WHRN: variants seen among roughly 807,000 people sequenced by gnomAD.
WHRN encodes the protein CASK-interacting protein CIP98.
A neutral mutation model predicts 68.3 loss-of-function variants in WHRN; 41 were observed. The ratio of observed to expected loss-of-function variants is 0.60; its 90% CI spans 0.47 to 0.78. The LOEUF (loss-of-function observed/expected upper bound fraction) is 0.78, where lower values mean the gene tolerates loss of function less well. Ranked by LOEUF, WHRN falls within the 30% of genes least tolerant of loss-of-function variation. The pLI is 0.00. For missense variants in WHRN, 1,243 were observed against 1,244.7 expected, an observed-to-expected ratio of 1.00 and a Z score of 0.02; for synonymous variants, 560 against 561.3, an observed-to-expected ratio of 1.00 and a Z score of 0.03.
chr9:114,405,323 G>A (rs539495235), intron 9 of WHRN, among the ~76,000 whole-genome samples: 4 of 152,102 alleles, frequency 2.6e-5, no homozygotes, highest in East Asian at 1.9e-4. Context: ...TGACCTGCCC[G>A]TCTCCGCCTC....
At chr9:114,478,834 T>A in intron 1 of WHRN, 63 bp from the exon 2 acceptor site, 2 of 1,490,060 alleles carry the variant, frequency 1.3e-6, no homozygotes, top group South Asian at 2.4e-5. Context: ...AGGAACACCC[T>A]CCCCTGGCCC....
chr9:114,458,540 A>G (rs1839990746), intron 3 of WHRN, among the ~76,000 whole-genome samples: 1 of 152,068 alleles, frequency 6.6e-6, no homozygotes, highest in Non-Finnish European at 1.5e-5. Context: ...TTGTGTTTTC[A>G]TTTTCCTTGA....
intron 2 of WHRN, among the ~76,000 whole-genome samples, chr9:114,469,115 G>C (rs534449225): frequency 1.3e-5 from 2 of 152,172 alleles, no homozygotes; most frequent in Non-Finnish European, 2.9e-5. Flanking sequence ...TGTAGAGTGC[G>C]TAGGGTCGTG....
In WHRN at chr9:114,416,308, G is replaced by A. The variant is rs148589731; in HGVS notation, c.1626+7006C>T. On this transcript the variant is annotated intron_variant, in intron 7 of 11. Transcript: ENST00000362057. ...CATTTGCTCCTTGAGTACAAGGCTG[G>A]CCTTGACCTCTCCAATCCCCTTTTC... Among the ~76,000 whole-genome samples the A allele has an allele frequency of 4.6e-5, 7 of 152,318 alleles. No individual in the cohort carries two copies. In the East Asian group the frequency reaches 1.2e-3, roughly 25 times the overall value.
At chr9:114,434,077 A>G (rs1480861646) in intron 3 of WHRN, among the ~76,000 whole-genome samples, 1 of 152,200 alleles carries the variant, frequency 6.6e-6, no homozygotes, top group Admixed American at 6.5e-5. Flanking sequence ...CCAAAGGAAA[A>G]TCTGGCTTCC....
chr9:114,469,501 G>T (rs1444144854), intron 2 of WHRN, among the ~76,000 whole-genome samples: 1 of 152,336 alleles, frequency 6.6e-6, no homozygotes, highest in South Asian at 2.1e-4. Flanking sequence ...TAGGCCAAGG[G>T]AGCACCTCAC....
At position 114,504,644 on chromosome 9, in the gene WHRN, G is replaced by C. The variant is rs2133482388; in HGVS notation, c.158C>G (p.Ala53Gly). Residue 53 changes from alanine (A) to glycine (G), a missense_variant, in exon 1 of 12, where the codon GCG becomes GGG. By Grantham distance (60) the Ala-to-Gly change is moderately conservative (BLOSUM62 0). Transcript: ENST00000362057. Reference sequence around the variant, plus strand: ...GCAGTGGGTGAACTGCTCCCGCTCCGCCTCGCTCAGCAGCGCGGTCAGCGC... The same window carrying C: ...GCAGTGGGTGAACTGCTCCCGCTCCCCCTCGCTCAGCAGCGCGGTCAGCGC... Reference protein sequence around the residue: ...HQALTALLSEAEREQFTHCLN... With the variant: ...HQALTALLSEGEREQFTHCLN... 1 of 1,606,992 alleles carries C rather than the reference G, an allele frequency of 6.2e-7. No homozygotes were observed. Among genetic ancestry groups the C allele is most frequent in the East Asian group, 2.2e-5 (1 of 44,768 alleles).
At position 114,412,791 on chromosome 9, in the gene WHRN, G is replaced by C. The variant is rs145161264; in HGVS notation, c.1627-4773C>G. On this transcript the variant is annotated intron_variant, in intron 7 of 11. Transcript: ENST00000362057. The stretch of plus-strand genomic sequence containing the variant: ...TGAAATGAAGAGGGGCAACCTTTGC[G>C]GGGTGGACTCAGGGGCAGGTAAGGC... 2.6e-5 allele frequency among the ~76,000 whole-genome samples: 4 copies of C among 152,326 alleles called. No individual in the cohort carries two copies. In the South Asian group the frequency reaches 6.2e-4, roughly 24 times the overall value.
At chr9:114,438,811 A>G (rs1394397739) in intron 3 of WHRN, among the ~76,000 whole-genome samples, 3 of 152,230 alleles carry the variant, frequency 2.0e-5, no homozygotes, top group Non-Finnish European at 4.4e-5. Flanking sequence ...GATAAAATAC[A>G]TATGCACACA....
chr9:114,422,558 G>A (rs1013790290), intron 7 of WHRN, among the ~76,000 whole-genome samples: 11 of 152,180 alleles, frequency 7.2e-5, no homozygotes, highest in African/African-American at 2.7e-4. Flanking sequence ...CTGGGGCCAC[G>A]CATGGTGATT....
intron 1 of WHRN, chr9:114,491,660 C>T (rs1460911354): frequency 8.4e-6 from 2 of 238,572 alleles, no homozygotes; most frequent in Non-Finnish European, 1.8e-5. Context: ...AGGCTTTTTG[C>T]CGCCACCCGC....
intron 1 of WHRN, among the ~76,000 whole-genome samples, chr9:114,486,230 A>G (rs1842463349): frequency 6.6e-6 from 1 of 152,260 alleles, no homozygotes; most frequent in Non-Finnish European, 1.5e-5. Context: ...TTTAAGAAAC[A>G]TCCTTCTTTA....
intron 1 of WHRN, among the ~76,000 whole-genome samples, chr9:114,482,851 C>T (rs951667426): frequency 1.3e-5 from 2 of 152,152 alleles, no homozygotes; most frequent in Non-Finnish European, 2.9e-5. Flanking sequence ...AGAGAGCCAG[C>T]GCCGGAGAGG....
At chr9:114,434,025 C>T (rs1017522833) in intron 3 of WHRN, among the ~76,000 whole-genome samples, 3 of 152,206 alleles carry the variant, frequency 2.0e-5, no homozygotes, top group Non-Finnish European at 4.4e-5. Context: ...AAAGAACTTG[C>T]CCAAGGTCGT....
At chr9:114,418,243 AGGAAG>A (rs1244455960) in intron 7 of WHRN, among the ~76,000 whole-genome samples, 2 of 152,134 alleles carry the variant, frequency 1.3e-5, no homozygotes, top group Non-Finnish European at 2.9e-5. Flanking sequence ...GTCGCTCCTG[AGGAAG>A]GGTGAGCAAA....
Position 114,407,941 on chromosome 9 carries a change from C to A in WHRN, c.1698+6G>T. 6.3e-7 allele frequency: 1 copy of A among 1,597,414 alleles called. No individual in the cohort carries two copies. On this transcript the variant is annotated splice_donor_region_variant and intron_variant, in intron 8 of 11. Coordinates refer to ENST00000362057, the MANE Select transcript of WHRN (RefSeq NM_015404.4). The stretch of plus-strand genomic sequence containing the variant: ...AGCAGAACCAAAGGGCCAGCCAGGG[C>A]CTTACCACGGACACATCTGGGAGGG...
chr9:114,432,218 A>G (rs1457779144), intron 3 of WHRN, among the ~76,000 whole-genome samples: 1 of 152,170 alleles, frequency 6.6e-6, no homozygotes, highest in African/African-American at 2.4e-5. Context: ...CACTTTGAGA[A>G]GAGCACGGCG....
intron 3 of WHRN, among the ~76,000 whole-genome samples, chr9:114,452,596 G>A (rs936384906): frequency 2.0e-5 from 3 of 152,214 alleles, no homozygotes; most frequent in African/African-American, 4.8e-5. Context: ...TGTTTGAGAA[G>A]TGTGAGTGGT....
rs577203643 is a variant in WHRN at position 114,500,338 on chromosome 9, T to C, written c.618+3846A>G. On this transcript the variant is annotated intron_variant, in intron 1 of 11. Coordinates refer to ENST00000362057, the MANE Select transcript of WHRN (RefSeq NM_015404.4). ...CAGAAGCTACATTTCAGACATAAAG[T>C]TGGAAGAGGTAATAATTTGCAATGG... 3.9e-5 allele frequency among the ~76,000 whole-genome samples: 6 copies of C among 152,192 alleles called. No individual in the cohort carries two copies. The South Asian group carries it at 8.3e-4, about 21-fold the overall frequency.
Sources: gnomAD v4.1 joint callset for allele counts (sites outside exome capture counted in the v4.1 genomes callset) on GRCh38, gnomAD v4.1.1 for gene constraint, MANE v1.5 for transcripts, NCBI Gene and HGNC (gene_info 2026-07-23, HGNC 2026-07-21) for gene names.